PIM1: variants seen among roughly 807,000 people sequenced by gnomAD.
The protein encoded by PIM1 is Pim-1 proto-oncogene, serine/threonine kinase, also known as serine/threonine-protein kinase pim-1.
In PIM1, 9 loss-of-function variants were observed where a neutral mutation model predicts 34.5. That is an observed-to-expected ratio of 0.26 (90% CI 0.16 to 0.46). The LOEUF is 0.46. Ranked by LOEUF, PIM1 falls within the 20% of genes least tolerant of loss-of-function variation. The probability of loss-of-function intolerance (pLI) is 1.00; values close to 1 mark genes in which losing one functional copy is unlikely to be tolerated. For missense variants in PIM1, 274 were observed against 410.9 expected (o/e 0.67, Z 2.88); for synonymous variants, 199 against 175.2 (o/e 1.14, Z -1.07).
In PIM1 at chr6:37,174,470, G is replaced by A; in HGVS notation, c.*379G>A. The A allele has an allele frequency of 3.8e-6, 1 of 262,014 alleles. No individual in the cohort carries two copies. The allele number at this position is 262,014 out of a possible 1,614,324, so 16.2% of individuals were successfully genotyped here. A position where few individuals can be genotyped will look rare whatever the true frequency, so the allele number is the denominator to read the frequency against. ...GATGGGTCAGGTAGGGGGGAAACAG[G>A]TTGGGATGGGATAGGACTAGCACCA... On this transcript the variant is annotated 3_prime_UTR_variant, in exon 6 of 6. Transcript: ENST00000373509.
intron 4 of PIM1, chr6:37,172,646 C>T: frequency 2.0e-6 from 1 of 490,176 alleles, no homozygotes. Context: ...TATGAGATAC[C>T]TTTCTTGGTT....
In PIM1 at chr6:37,174,772, T is replaced by TTTTACTTAACTG. The variant is rs1339233649; in HGVS notation, c.*685_*696dup. ...GAGTGAACTGGTCTTCCTTTTTGGT[T>TTTTACTTAACTG]TTTACTTAACTGTTTCAAAGCCAAG... On this transcript the variant is annotated 3_prime_UTR_variant, in exon 6 of 6. Transcript: ENST00000373509. 8.6e-6 allele frequency: 2 copies of TTTTACTTAACTG among 233,574 alleles called. No homozygotes were observed. The highest frequency in any genetic ancestry group is 4.4e-5 in the African/African-American group (2 of 45,308). The allele number at this position is 233,574 out of a possible 1,614,324, so 14.5% of individuals were successfully genotyped here.
chr6:37,170,507 A>C lies in PIM1; in HGVS notation c.-69A>C. ...CAGCCCCAGGCATAGCCTTCGGCAC[A>C]GCCCCGGCTCCGGCTCCTGCGGCAG... is the stretch of plus-strand genomic sequence containing the variant. On this transcript the variant is annotated 5_prime_UTR_variant, in exon 1 of 6. Transcript: ENST00000373509. 6.2e-7 allele frequency: 1 copy of C among 1,602,852 alleles called. No homozygotes were observed.
At chr6:37,172,734 GTGTT>G (rs1561983869) in intron 4 of PIM1, 2 of 613,604 alleles carry the variant, frequency 3.3e-6, no homozygotes, top group Admixed American at 2.1e-5. Context: ...GCGGCCAGCT[GTGTT>G]TGTTTCTTGG....
chr6:37,170,394 G>A lies in PIM1; in HGVS notation c.-182G>A. 6.5e-7 allele frequency: 1 copy of A among 1,528,648 alleles called. No homozygotes were observed. Among genetic ancestry groups the A allele is most frequent in the South Asian group, 1.2e-5 (1 of 83,446 alleles). 94.7% of individuals were successfully genotyped at this position (1,528,648 alleles called of 1,614,324 possible). On this transcript the variant is annotated 5_prime_UTR_variant, in exon 1 of 6. Coordinates refer to ENST00000373509, the MANE Select transcript of PIM1 (RefSeq NM_002648.4). ...CCCTCCCGCCGCCAGTCCCGGCAGC[G>A]CCCTCAGTTGTCCTCCGACTCGCCC...
intron 4 of PIM1, among the ~76,000 whole-genome samples, chr6:37,172,228 CTCGGGCTTGTGGT>C (rs1430492246): frequency 6.6e-6 from 1 of 152,114 alleles, no homozygotes; most frequent in Non-Finnish European, 1.5e-5. Context: ...AAACTTGTGA[CTCGGGCTTGTGGT>C]TTATGTTTAT....
chr6:37,173,896 T>C lies in PIM1; in HGVS notation c.785-38T>C, dbSNP rs34196025. ...AGACCTTTGCAGTGTAAAAACAAGTTGAGTCATTCATAACCTCGTCTATCC... is the reference window on the plus strand; with the variant it reads ...AGACCTTTGCAGTGTAAAAACAAGTCGAGTCATTCATAACCTCGTCTATCC... On this transcript the variant is annotated intron_variant, in intron 5 of 5. Transcript: ENST00000373509. The C allele has an allele frequency of 1.5e-5, 24 of 1,579,412 alleles. 1 individual carries two copies. The Admixed American group carries it at 4.3e-4, about 28-fold the overall frequency.
In PIM1 at chr6:37,173,824, C is replaced by T. The variant is rs981653589; in HGVS notation, c.785-110C>T. The T allele has an allele frequency of 1.2e-5, 11 of 956,412 alleles. No homozygotes were observed. The Admixed American group carries it at 1.5e-4, about 13-fold the overall frequency. The allele number at this position is 956,412 out of a possible 1,614,324, so 59.2% of individuals were successfully genotyped here. The stretch of plus-strand genomic sequence containing the variant: ...GCACAGTGTTCTAGAAAATGCTTGG[C>T]CTCCCTGGGACCCCAGACTTGTGGG... On this transcript the variant is annotated intron_variant, in intron 5 of 5. Transcript: ENST00000373509.
Position 37,174,196 on chromosome 6 carries a change from C to T in PIM1, c.*105C>T. 1 of 1,118,024 alleles carries T rather than the reference C, an allele frequency of 8.9e-7. No homozygotes were observed. Among genetic ancestry groups the T allele is most frequent in the South Asian group, 1.5e-5 (1 of 66,088 alleles). 69.3% of individuals were successfully genotyped at this position (1,118,024 alleles called of 1,614,324 possible). On this transcript the variant is annotated 3_prime_UTR_variant, in exon 6 of 6. Transcript: ENST00000373509. Reference sequence around the variant, plus strand: ...CAGTGACACGTCTCGCCAAGCAGGACAGTGCTTGATACAGGAACAACATTT... The same window carrying T: ...CAGTGACACGTCTCGCCAAGCAGGATAGTGCTTGATACAGGAACAACATTT...
intron 2 of PIM1, 38 bp downstream of exon 2, chr6:37,170,917 C>T (rs369594055): frequency 3.5e-5 from 57 of 1,611,948 alleles, no homozygotes; most frequent in Non-Finnish European, 4.2e-5. Context: ...GCGCGCCGGG[C>T]GGGGGGCGCA....
In PIM1 at chr6:37,170,570, G is replaced by T. The variant is rs377302167; in HGVS notation, c.-6G>T. The T allele has an allele frequency of 1.1e-5, 17 of 1,612,822 alleles. No homozygotes were observed. Among genetic ancestry groups the T allele is most frequent in the African/African-American group, 1.3e-5 (1 of 74,842 alleles). ...CCGTCCCTGCGCCGACATCCTGGAG[G>T]TTGGGATGCTCTTGTCCAAAATCAA... is the stretch of plus-strand genomic sequence containing the variant. On this transcript the variant is annotated 5_prime_UTR_variant, in exon 1 of 6. Coordinates refer to ENST00000373509, the MANE Select transcript of PIM1 (RefSeq NM_002648.4).
intron 5 of PIM1, 141 bp downstream of exon 5, chr6:37,173,313 T>G (rs1762341583): frequency 1.4e-6 from 1 of 738,986 alleles, no homozygotes; most frequent in Non-Finnish European, 2.2e-6. Flanking sequence ...AGGTGAGTGA[T>G]TTACACTTGA....
chr6:37,171,712 A>G (rs1054126482), intron 4 of PIM1, among the ~76,000 whole-genome samples: 6 of 152,230 alleles, frequency 3.9e-5, no homozygotes, highest in Admixed American at 3.9e-4. Flanking sequence ...TTATTCTTCA[A>G]GTGGAATTCA....
intron 4 of PIM1, among the ~76,000 whole-genome samples, chr6:37,171,837 A>T (rs1762294323): frequency 6.6e-6 from 1 of 152,234 alleles, no homozygotes. Context: ...GCGGGGGAAG[A>T]GGTGGAAATT....
intron 5 of PIM1, 38 bp from the exon 6 acceptor site, chr6:37,173,891 CAAGTT>C (rs1371944877): frequency 6.4e-7 from 1 of 1,571,088 alleles, no homozygotes; most frequent in African/African-American, 1.4e-5. Flanking sequence ...AGTGTAAAAA[CAAGTT>C]GAGTCATTCA....
intron 5 of PIM1, 37 bp from the exon 6 acceptor site, chr6:37,173,897 G>T: frequency 1.3e-6 from 2 of 1,580,882 alleles, no homozygotes; most frequent in Non-Finnish European, 1.7e-6. Flanking sequence ...AAAACAAGTT[G>T]AGTCATTCAT....
chr6:37,170,567 G>C lies in PIM1; in HGVS notation c.-9G>C. Reference sequence around the variant, plus strand: ...GCACCGTCCCTGCGCCGACATCCTGGAGGTTGGGATGCTCTTGTCCAAAAT... The same window carrying C: ...GCACCGTCCCTGCGCCGACATCCTGCAGGTTGGGATGCTCTTGTCCAAAAT... On this transcript the variant is annotated 5_prime_UTR_variant, in exon 1 of 6. Transcript: ENST00000373509. The C allele has an allele frequency of 6.2e-7, 1 of 1,612,900 alleles. No homozygotes were observed. The highest frequency in any genetic ancestry group is 8.5e-7 in the Non-Finnish European group (1 of 1,179,588).
At position 37,171,298 on chromosome 6, in the gene PIM1, C is replaced by T. The variant is rs1224328854; in HGVS notation, c.414C>T (p.Ala138=). 1 of 1,614,150 alleles carries T rather than the reference C, an allele frequency of 6.2e-7. No individual in the cohort carries two copies. Among genetic ancestry groups the T allele is most frequent in the East Asian group, 2.2e-5 (1 of 44,888 alleles). Residue 138 remains alanine, a synonymous_variant, in exon 4 of 6, where the codon GCC becomes GCT. Coordinates refer to ENST00000373509, the MANE Select transcript of PIM1 (RefSeq NM_002648.4). The stretch of plus-strand genomic sequence containing the variant: ...TCGACTTCATCACGGAAAGGGGAGC[C>T]CTGCAAGAGGAGCTGGCCCGCAGCT... ...DLFDFITERG[A]LQEELARSFF... is the part of the protein sequence containing the mutation.
chr6:37,173,849 G>T, intron 5 of PIM1, 85 bp from the exon 6 acceptor site: 1 of 1,300,348 alleles, frequency 7.7e-7, no homozygotes, highest in East Asian at 2.3e-5. Flanking sequence ...AGACTTGTGG[G>T]CCTCTGAGAA....
Sources: allele counts gnomAD v4.1 joint callset (sites outside exome capture counted in the v4.1 genomes callset), GRCh38; gene constraint gnomAD v4.1.1; transcripts MANE v1.5; gene names NCBI Gene and HGNC (gene_info 2026-07-23, HGNC 2026-07-21).